WWOX: variants seen among roughly 807,000 people sequenced by gnomAD.
WWOX encodes the protein WW domain-containing oxidoreductase.
In WWOX, 69 loss-of-function variants were observed where a neutral mutation model predicts 46.2. The observed-to-expected ratio is 1.49, with a 90% CI of 1.23 to 1.82. The LOEUF is 1.82. Among genes scored for constraint, WWOX ranks in the 40% most tolerant of loss-of-function variants. WWOX has a pLI of 0.00. For missense variants in WWOX, 919 were observed against 542.6 expected (o/e 1.69, Z -6.89); for synonymous variants, 359 against 202.6 (o/e 1.77, Z -6.56).
chr16:78,109,339 G>T (rs185061435), intron 2 of WWOX, among the ~76,000 whole-genome samples: 10 of 151,898 alleles, frequency 6.6e-5, no homozygotes, highest in East Asian at 1.9e-4. Flanking sequence ...ATATGAGAAG[G>T]TTCCTGCCCT....
At chr16:79,024,102 G>C (rs932516155) in intron 8 of WWOX, among the ~76,000 whole-genome samples, 4 of 152,224 alleles carry the variant, frequency 2.6e-5, no homozygotes, top group African/African-American at 7.2e-5. Flanking sequence ...GGCTGGGAAA[G>C]AGGGGACTAG....
intron 8 of WWOX, among the ~76,000 whole-genome samples, chr16:79,135,569 C>T (rs1223834684): frequency 1.3e-5 from 2 of 152,126 alleles, no homozygotes; most frequent in Non-Finnish European, 2.9e-5. Flanking sequence ...TTGACATATA[C>T]ATCAATAGGT....
At chr16:78,344,125 G>C in intron 5 of WWOX, among the ~76,000 whole-genome samples, 1 of 110,970 alleles carries the variant, frequency 9.0e-6, no homozygotes, top group African/African-American at 3.1e-5. Flanking sequence ...AGAGGGTGAA[G>C]GTGCGTAATT....
At chr16:78,265,167 A>C (rs1009238571) in intron 5 of WWOX, among the ~76,000 whole-genome samples, 25 of 151,224 alleles carry the variant, frequency 1.7e-4, no homozygotes, top group Non-Finnish European at 3.7e-4. Context: ...TGCCTAGCTA[A>C]TTTTTGTATT....
At chr16:78,205,830 TTCCTTCCTTCCTTCCG>T (rs2036372872) in intron 5 of WWOX, among the ~76,000 whole-genome samples, 2 of 151,322 alleles carry the variant, frequency 1.3e-5, no homozygotes, top group Admixed American at 6.6e-5. Flanking sequence ...CCTTCCTACC[TTCCTTCCTTCCTTCCG>T]TCCTTCCTTC....
At chr16:78,686,591 A>G (rs935162838) in intron 8 of WWOX, among the ~76,000 whole-genome samples, 8 of 151,762 alleles carry the variant, frequency 5.3e-5, no homozygotes, top group Non-Finnish European at 8.8e-5. Context: ...ACTAAAGGGG[A>G]GTGGGCCCAG....
At chr16:78,493,019 A>G (rs1302553443) in intron 8 of WWOX, among the ~76,000 whole-genome samples, 2 of 152,162 alleles carry the variant, frequency 1.3e-5, no homozygotes, top group Non-Finnish European at 2.9e-5. Flanking sequence ...CATCCCGGTA[A>G]AGTGACGTTT....
chr16:78,313,015 G>A (rs1159585031), intron 5 of WWOX, among the ~76,000 whole-genome samples: 1 of 151,822 alleles, frequency 6.6e-6, no homozygotes, highest in African/African-American at 2.4e-5. Flanking sequence ...TCATTCACGG[G>A]GGCAGATTTG....
intron 5 of WWOX, among the ~76,000 whole-genome samples, chr16:78,316,391 G>A (rs1306479163): frequency 6.6e-6 from 1 of 152,088 alleles, no homozygotes; most frequent in Non-Finnish European, 1.5e-5. Context: ...CCTGGGCTGG[G>A]GTGCAATGGC....
At chr16:78,412,052 A>G (rs2082693626) in intron 6 of WWOX, among the ~76,000 whole-genome samples, 1 of 152,168 alleles carries the variant, frequency 6.6e-6, no homozygotes, top group African/African-American at 2.4e-5. Flanking sequence ...GCCCTCCAGC[A>G]ATGGACAGTT....
intron 8 of WWOX, chr16:78,756,990 G>A: frequency 1.4e-6 from 1 of 702,868 alleles, no homozygotes; most frequent in South Asian, 1.5e-5. Flanking sequence ...CCGTGTAGAA[G>A]AACTGAGCCT....
At chr16:78,521,880 A>G (rs920876181) in intron 8 of WWOX, among the ~76,000 whole-genome samples, 6 of 152,048 alleles carry the variant, frequency 3.9e-5, no homozygotes, top group East Asian at 3.9e-4. Flanking sequence ...CTCATAGGAG[A>G]AGGAGGATAT....
intron 8 of WWOX, among the ~76,000 whole-genome samples, chr16:78,913,656 T>A (rs996211600): frequency 1.3e-4 from 19 of 148,788 alleles, no homozygotes; most frequent in Non-Finnish European, 2.1e-4. Flanking sequence ...CTCATACTGC[T>A]ACAGTTTTTT....
chr16:78,209,823 G>T (rs1312495645), intron 5 of WWOX, among the ~76,000 whole-genome samples: 1 of 151,696 alleles, frequency 6.6e-6, no homozygotes, highest in Non-Finnish European at 1.5e-5. Context: ...TCACATTTAT[G>T]ATGAAATATG....
chr16:79,151,976 A>T (rs1413046092), intron 8 of WWOX, among the ~76,000 whole-genome samples: 1 of 152,198 alleles, frequency 6.6e-6, no homozygotes, highest in African/African-American at 2.4e-5. Context: ...GGCAACAGAA[A>T]GGTCTCTGTT....
chr16:79,205,099 G>A (rs1389919658), intron 8 of WWOX: 1 of 152,218 alleles, frequency 6.6e-6, no homozygotes, highest in African/African-American at 2.4e-5. Flanking sequence ...ACAGCTCACA[G>A]GTTCTCTCTG....
At chr16:78,413,022 G>A (rs2082718506) in intron 6 of WWOX, among the ~76,000 whole-genome samples, 1 of 152,164 alleles carries the variant, frequency 6.6e-6, no homozygotes, top group African/African-American at 2.4e-5. Context: ...CTGACGCGTA[G>A]CAAGAATGAG....
At chr16:78,657,116 C>A (rs879802600) in intron 8 of WWOX, among the ~76,000 whole-genome samples, 15 of 152,282 alleles carry the variant, frequency 9.9e-5, no homozygotes, top group African/African-American at 2.9e-4. Flanking sequence ...CACCAGGCTG[C>A]CACTTTGGCC....
chr16:78,695,877 T>C (rs1483041282), intron 8 of WWOX, among the ~76,000 whole-genome samples: 1 of 152,154 alleles, frequency 6.6e-6, no homozygotes, highest in Non-Finnish European at 1.5e-5. Flanking sequence ...TTAAAGGGGC[T>C]GCACTGAATT....
Sources: gnomAD v4.1 joint callset for allele counts (sites outside exome capture counted in the v4.1 genomes callset) on GRCh38, gnomAD v4.1.1 for gene constraint, MANE v1.5 for transcripts, NCBI Gene and HGNC (gene_info 2026-07-23, HGNC 2026-07-21) for gene names.